Variants in ZNF365 observed in about 807,000 individuals in gnomAD.
The protein encoded by ZNF365 is protein ZNF365.
In ZNF365, 22 loss-of-function variants were observed where a neutral mutation model predicts 35.0. The ratio of observed to expected loss-of-function variants is 0.63; its 90% CI spans 0.45 to 0.90. The LOEUF is 0.90. Among genes scored for constraint, ZNF365 ranks in the 40% least tolerant of loss-of-function variants. ZNF365 has a pLI of 0.00. For synonymous variants in ZNF365, 188 were observed against 196.2 expected (o/e 0.96, Z 0.35); for missense variants, 448 against 500.3 (o/e 0.90, Z 1.00).
At chr10:62,397,362 G>T (rs147022301) in intron 3 of ZNF365, among the ~76,000 whole-genome samples, 76 of 152,204 alleles carry the variant, frequency 5.0e-4, no homozygotes, top group African/African-American at 1.7e-3. Flanking sequence ...TGGGTTTTCA[G>T]ATCATTTTAG....
In ZNF365 at chr10:62,401,591, A is replaced by T; in HGVS notation, c.*1802A>T. 1.0e-6 allele frequency: 1 copy of T among 984,276 alleles called. No individual in the cohort carries two copies. Among genetic ancestry groups the T allele is most frequent in the Non-Finnish European group, 1.2e-6 (1 of 828,790 alleles). 61.0% of individuals were successfully genotyped at this position (984,276 alleles called of 1,614,324 possible). A position where few individuals can be genotyped will look rare whatever the true frequency, so the allele number is the denominator to read the frequency against. ...CTAACATTGTAAAAATTGTAATGTT[A>T]TAATTATTATTTATTTGGAGAATTA... On this transcript the variant is annotated 3_prime_UTR_variant, in exon 5 of 5. Transcript: ENST00000395254.
intron 4 of ZNF365, among the ~76,000 whole-genome samples, chr10:62,462,723 T>C (rs1331070722): frequency 6.6e-6 from 1 of 152,204 alleles, no homozygotes; most frequent in Non-Finnish European, 1.5e-5. Flanking sequence ...GGATTAAATT[T>C]CCTGCCAGCT....
intron 4 of ZNF365, among the ~76,000 whole-genome samples, chr10:62,479,175 T>C (rs41429446): frequency 0.061 from 9,260 of 152,308 alleles, 312 homozygotes; most frequent in East Asian, 0.17. Context: ...CCTGCAGAAA[T>C]TCCTTGATTT....
chr10:62,394,669 G>A (rs552080183), intron 3 of ZNF365, among the ~76,000 whole-genome samples: 2 of 152,280 alleles, frequency 1.3e-5, no homozygotes, highest in Admixed American at 1.3e-4. Context: ...ATGCTCAAGG[G>A]AATTGAGGGA....
At chr10:62,398,448 C>T (rs1241016112) in intron 3 of ZNF365, among the ~76,000 whole-genome samples, 3 of 152,140 alleles carry the variant, frequency 2.0e-5, no homozygotes, top group Non-Finnish European at 4.4e-5. Context: ...TCAAATGTTG[C>T]TCTACTGGGG....
At chr10:62,413,194 A>C (rs1302074517) in intron 3 of ZNF365, among the ~76,000 whole-genome samples, 1 of 152,134 alleles carries the variant, frequency 6.6e-6, no homozygotes, top group Admixed American at 6.6e-5. Flanking sequence ...GTCGTAAACT[A>C]CTGCTCTATG....
intron 3 of ZNF365, among the ~76,000 whole-genome samples, chr10:62,408,564 T>C (rs1384870731): frequency 6.6e-6 from 1 of 152,184 alleles, no homozygotes; most frequent in African/African-American, 2.4e-5. Context: ...ATAAGGTTTT[T>C]AGCATAATAC....
At position 62,389,722 on chromosome 10, in the gene ZNF365, CTTG is replaced by C. The variant is rs1839593772; in HGVS notation, c.924+1151_924+1153del. On this transcript the variant is annotated intron_variant, in intron 3 of 4. Coordinates refer to ENST00000395254, the MANE Select transcript of ZNF365 (RefSeq NM_014951.3). Reference sequence around the variant, plus strand: ...AGAAATGAAGAAATCCTACATGGTGCTTGTTGTAATCATGTACACTTGGCCTTA... The same window carrying C: ...AGAAATGAAGAAATCCTACATGGTGCTTGTAATCATGTACACTTGGCCTTA... 3.3e-5 allele frequency among the ~76,000 whole-genome samples: 5 copies of C among 152,004 alleles called. 1 individual carries two copies. Among genetic ancestry groups the C allele is most frequent in the Admixed American group, 3.3e-4 (5 of 15,278 alleles).
intron 3 of ZNF365, among the ~76,000 whole-genome samples, chr10:62,416,609 G>A (rs1025409039): frequency 9.2e-5 from 14 of 152,072 alleles, no homozygotes; most frequent in Non-Finnish European, 1.8e-4. Flanking sequence ...TTATTGAGGC[G>A]GAGAGAGTTG....
intron 3 of ZNF365, among the ~76,000 whole-genome samples, chr10:62,431,573 AT>A (rs1840335516): frequency 6.6e-6 from 1 of 152,158 alleles, no homozygotes. Context: ...GGTCTACCCT[AT>A]TTTTGATGGT....
chr10:62,409,214 G>T (rs115997707), intron 3 of ZNF365, among the ~76,000 whole-genome samples: 1,874 of 152,284 alleles, frequency 0.012, 51 homozygotes, highest in African/African-American at 0.043. Flanking sequence ...GGTGATGGAA[G>T]AGAGTGGAGG....
At chr10:62,395,884 C>T (rs1839718609) in intron 3 of ZNF365, among the ~76,000 whole-genome samples, 1 of 152,132 alleles carries the variant, frequency 6.6e-6, no homozygotes, top group Non-Finnish European at 1.5e-5. Context: ...GCTTTTAGTA[C>T]AAGGCTATTT....
At chr10:62,442,632 T>G (rs7918077) in intron 3 of ZNF365, among the ~76,000 whole-genome samples, 104,933 of 152,068 alleles carry the variant, frequency 0.69, 36,359 homozygotes, top group Non-Finnish European at 0.73. Flanking sequence ...CCTTCTTCCT[T>G]TGCCTGCACC....
intron 4 of ZNF365, among the ~76,000 whole-genome samples, chr10:62,463,687 A>G (rs1186850540): frequency 1.3e-5 from 2 of 152,272 alleles, no homozygotes; most frequent in Non-Finnish European, 2.9e-5. Context: ...TATTTTCCAC[A>G]GTGTAAACAT....
At chr10:62,475,441 A>AAAATT (rs1841113882) in intron 4 of ZNF365, among the ~76,000 whole-genome samples, 1 of 152,184 alleles carries the variant, frequency 6.6e-6, no homozygotes, top group South Asian at 2.1e-4. Context: ...AAAATAAAAT[A>AAAATT]AAATTAAATT....
Position 62,442,288 on chromosome 10 carries a change from C to T in ZNF365, c.925-17453C>T, listed in dbSNP as rs1259219480. 3.3e-5 allele frequency among the ~76,000 whole-genome samples: 5 copies of T among 152,070 alleles called. No homozygotes were observed. In the East Asian group the frequency reaches 9.6e-4, roughly 29 times the overall value. On this transcript the variant is annotated intron_variant, in intron 3 of 4. Transcript: ENST00000395255. ...GGATAGAATTTAAAGAGCCAGGATC[C>T]CAAGTCGAAAGAGAGAAGGAAAATT...
chr10:62,452,793 A>G (rs1254396313), intron 3 of ZNF365, among the ~76,000 whole-genome samples: 1 of 152,236 alleles, frequency 6.6e-6, no homozygotes, highest in Admixed American at 6.5e-5. Context: ...AAGTTTGAAA[A>G]GCACTGGTCA....
At chr10:62,431,856 T>TTTGC (rs1840339738) in intron 3 of ZNF365, among the ~76,000 whole-genome samples, 1 of 151,824 alleles carries the variant, frequency 6.6e-6, no homozygotes, top group Non-Finnish European at 1.5e-5. Context: ...TGTTTGTTTG[T>TTTGC]TTGCCTTTTT....
chr10:62,474,983 G>A (rs538775017), intron 4 of ZNF365, among the ~76,000 whole-genome samples: 4 of 152,274 alleles, frequency 2.6e-5, no homozygotes, highest in South Asian at 2.1e-4. Flanking sequence ...TCAAGTAAGC[G>A]GTTTCCTTTT....
Sources: gnomAD v4.1 joint callset for allele counts (sites outside exome capture counted in the v4.1 genomes callset) on GRCh38, gnomAD v4.1.1 for gene constraint, MANE v1.5 for transcripts, NCBI Gene and HGNC (gene_info 2026-07-23, HGNC 2026-07-21) for gene names.